Variants in METTL15 observed in about 807,000 individuals in gnomAD.
METTL15 encodes 12S rRNA N(4)-cytidine methyltransferase METTL15.
A neutral mutation model predicts 38.3 loss-of-function variants in METTL15; 34 were observed. The ratio of observed to expected loss-of-function variants is 0.89; its 90% CI spans 0.68 to 1.18. The LOEUF (loss-of-function observed/expected upper bound fraction) is 1.18. Ranked by LOEUF, METTL15 falls within the 50% of genes most tolerant of loss-of-function variation. The pLI is 0.00. For missense variants in METTL15, 438 were observed against 498.4 expected (o/e 0.88, Z 1.15); for synonymous variants, 162 against 170.9 (o/e 0.95, Z 0.41).
At chr11:28,142,227 A>G (rs965044233) in intron 3 of METTL15, among the ~76,000 whole-genome samples, 2 of 152,198 alleles carry the variant, frequency 1.3e-5, no homozygotes, top group Non-Finnish European at 2.9e-5. Context: ...TGAGTGGACT[A>G]GAGGAGATTG....
chr11:28,370,643 AGTGACTG>A (rs897693876), intron 5 of METTL15, among the ~76,000 whole-genome samples: 2 of 152,092 alleles, frequency 1.3e-5, no homozygotes, highest in Non-Finnish European at 2.9e-5. Flanking sequence ...CATTTTCCAT[AGTGACTG>A]TGTTAATTTA....
intron 5 of METTL15, among the ~76,000 whole-genome samples, chr11:28,410,091 A>G (rs1176757283): frequency 6.6e-6 from 1 of 152,168 alleles, no homozygotes; most frequent in African/African-American, 2.4e-5. Flanking sequence ...TGAACATATC[A>G]ATAACAAATA....
intron 6 of METTL15, among the ~76,000 whole-genome samples, chr11:28,451,646 G>A (rs541531444): frequency 6.6e-6 from 1 of 152,112 alleles, no homozygotes; most frequent in Non-Finnish European, 1.5e-5. Context: ...ATTTGGCATG[G>A]TAAATAAGGA....
intron 3 of METTL15, among the ~76,000 whole-genome samples, chr11:28,190,949 C>T (rs1851678525): frequency 6.6e-6 from 1 of 151,324 alleles, no homozygotes; most frequent in South Asian, 2.1e-4. Context: ...TCCTAGGTTT[C>T]ACTTACATTA....
In METTL15 at chr11:28,290,244, C is replaced by A; in HGVS notation, c.446C>A (p.Ala149Glu). The change falls in exon 5 of 7, where the codon GCA becomes GAA. Residue 149 changes from alanine to glutamate, a missense_variant. Coordinates refer to ENST00000407364, the MANE Select transcript of METTL15 (RefSeq NM_001113528.2). ...IRAMLGQFSQAEALLMKAGVQ... is the reference protein window; with the variant it reads ...IRAMLGQFSQEEALLMKAGVQ... ...GCTATGCTGGGCCAGTTCAGCCAGGCAGAAGCCTTATTAATGAAAGCTGGA... is the reference window on the plus strand; with the variant it reads ...GCTATGCTGGGCCAGTTCAGCCAGGAAGAAGCCTTATTAATGAAAGCTGGA... The A allele has an allele frequency of 1.2e-6, 2 of 1,612,956 alleles. No homozygotes were observed.
At chr11:28,498,849 G>C (rs1327168240) in intron 6 of METTL15, among the ~76,000 whole-genome samples, 13 of 152,176 alleles carry the variant, frequency 8.5e-5, no homozygotes, top group Admixed American at 8.5e-4. Context: ...AGTTTTTACT[G>C]TATTTCTCAA....
At chr11:28,185,917 AATAT>A (rs1398676788) in intron 3 of METTL15, among the ~76,000 whole-genome samples, 2 of 149,444 alleles carry the variant, frequency 1.3e-5, no homozygotes, top group South Asian at 2.1e-4. Context: ...ACACGTATCT[AATAT>A]ATATACATAT....
intron 4 of METTL15, among the ~76,000 whole-genome samples, chr11:28,356,404 T>TGTATACAA (rs1388242956): frequency 6.6e-6 from 1 of 152,190 alleles, no homozygotes; most frequent in African/African-American, 2.4e-5. Flanking sequence ...GAGCCTTCTC[T>TGTATACAA]GTATACAAGT....
intron 6 of METTL15, 143 bp downstream of exon 6, chr11:28,297,074 C>G (rs1590284280): frequency 2.4e-6 from 2 of 845,798 alleles, no homozygotes; most frequent in East Asian, 2.7e-5. Context: ...ACTTGAAATC[C>G]AGGATAGAAT....
At chr11:28,151,006 CAA>C (rs34906623) in intron 3 of METTL15, among the ~76,000 whole-genome samples, 7 of 84,526 alleles carry the variant, frequency 8.3e-5, no homozygotes, top group Non-Finnish European at 1.8e-4. Context: ...CAACAGTGAC[CAA>C]AAAAAAAAAA....
chr11:28,409,144 A>G (rs577853489), intron 5 of METTL15, among the ~76,000 whole-genome samples: 114 of 152,142 alleles, frequency 7.5e-4, no homozygotes, highest in Non-Finnish European at 1.4e-3. Context: ...GCACTTAGGG[A>G]GGCTGAGGTG....
At chr11:28,375,907 C>T (rs1299861770) in intron 5 of METTL15, among the ~76,000 whole-genome samples, 1 of 151,674 alleles carries the variant, frequency 6.6e-6, no homozygotes, top group Non-Finnish European at 1.5e-5. Context: ...TTTATTTCTG[C>T]CTTCATTTCG....
At position 28,348,360 on chromosome 11, in the gene METTL15, T is replaced by G. The variant is rs186492833; in HGVS notation, c.*190-3730T>G. ...AAGGAAGAGCTTACTCTTCTACCCA[T>G]TTATTGAATTTCTTCTTATTATTTT... On this transcript the variant is annotated intron_variant and NMD_transcript_variant, in intron 3 of 7. Transcript: ENST00000532947. Among the ~76,000 whole-genome samples the G allele has an allele frequency of 3.3e-5, 5 of 152,254 alleles. No homozygotes were observed. In the East Asian group the frequency reaches 9.7e-4, roughly 29 times the overall value.
intron 4 of METTL15, among the ~76,000 whole-genome samples, chr11:28,284,753 T>C (rs1033843621): frequency 6.6e-6 from 1 of 152,224 alleles, no homozygotes; most frequent in Non-Finnish European, 1.5e-5. Context: ...TACTTTATTC[T>C]TGCTGATCGT....
intron 6 of METTL15, among the ~76,000 whole-genome samples, chr11:28,471,254 A>G (rs575876639): frequency 2.0e-5 from 3 of 152,070 alleles, no homozygotes; most frequent in Non-Finnish European, 4.4e-5. Context: ...CCAGCCTCCT[A>G]AGACATACAG....
At chr11:28,460,370 A>C (rs989629434) in intron 6 of METTL15, among the ~76,000 whole-genome samples, 5 of 152,158 alleles carry the variant, frequency 3.3e-5, no homozygotes, top group African/African-American at 1.2e-4. Context: ...ACAGGACTCT[A>C]TCAAGGGACT....
intron 4 of METTL15, among the ~76,000 whole-genome samples, chr11:28,273,397 A>G (rs1257602939): frequency 6.6e-6 from 1 of 152,134 alleles, no homozygotes; most frequent in Non-Finnish European, 1.5e-5. Context: ...TTACTAGATA[A>G]AATCATTTTT....
intron 3 of METTL15, chr11:28,144,954 T>G (rs895121499): frequency 1.9e-5 from 4 of 205,460 alleles, no homozygotes; most frequent in Non-Finnish European, 4.2e-5. Context: ...AAAACCACAT[T>G]TACACCTCAG....
chr11:28,129,449 G>A (rs183497106), intron 3 of METTL15, among the ~76,000 whole-genome samples: 101 of 143,674 alleles, frequency 7.0e-4, no homozygotes, highest in African/African-American at 2.4e-3. Context: ...TTGCTCTCTT[G>A]CCTAGGCTGG....
Sources: allele counts gnomAD v4.1 joint callset (sites outside exome capture counted in the v4.1 genomes callset), GRCh38; gene constraint gnomAD v4.1.1; transcripts MANE v1.5; gene names NCBI Gene and HGNC (gene_info 2026-07-23, HGNC 2026-07-21).